Variants in SMIM14 observed in about 807,000 individuals in gnomAD.
The protein encoded by SMIM14 is small integral membrane protein 14.
In SMIM14, 5 loss-of-function variants were observed where a neutral mutation model predicts 12.6. That is an observed-to-expected ratio of 0.40 (90% confidence interval 0.21 to 0.83). SMIM14 has a LOEUF of 0.83. SMIM14 is among the 40% of genes least tolerant of loss of function. The pLI is 0.37. For synonymous variants in SMIM14, 30 were observed against 40.1 expected, an observed-to-expected ratio of 0.75 and a Z score of 0.95; for missense variants, 86 against 119.1, an observed-to-expected ratio of 0.72 and a Z score of 1.29.
chr4:39,618,336 CCACT>C (rs1715298716), intron 1 of SMIM14, among the ~76,000 whole-genome samples: 1 of 152,158 alleles, frequency 6.6e-6, no homozygotes, highest in African/African-American at 2.4e-5. Flanking sequence ...GATGTGATCA[CCACT>C]CTCAAGATAA....
In SMIM14 at chr4:39,619,876, A is replaced by AT. The variant is rs368919092; in HGVS notation, c.-35-14697dup. The stretch of plus-strand genomic sequence containing the variant: ...TATATATATTTATATATATATATAT[A>AT]TTTTTTTTTTTTTAAGAGCAAGATA... On this transcript the variant is annotated intron_variant, in intron 1 of 4. Transcript: ENST00000295958. Among the ~76,000 whole-genome samples, 924 of 115,840 alleles carry AT rather than the reference A, an allele frequency of 8.0e-3. 17 individuals are homozygous for AT. The highest frequency in any genetic ancestry group is 0.026 in the African/African-American group (754 of 29,106). The allele number at this position is 115,840 out of a possible 152,430, so 76.0% of individuals were successfully genotyped here. A position where few individuals can be genotyped will look rare whatever the true frequency, so the allele number is the denominator to read the frequency against.
At chr4:39,567,379 GGACTGCTTGAGCTCAGGAGTTCGAGACCA>G (rs1712632826) in intron 3 of SMIM14, among the ~76,000 whole-genome samples, 1 of 152,034 alleles carries the variant, frequency 6.6e-6, no homozygotes, top group Non-Finnish European at 1.5e-5. Context: ...CAAGGCAGGT[GGACTGCTTGAGCTCAGGAGTTCGAGACCA>G]GCCTGGGCAA....
chr4:39,553,340 G>T (rs1045184985), intron 4 of SMIM14, among the ~76,000 whole-genome samples: 6 of 152,058 alleles, frequency 3.9e-5, no homozygotes, highest in Non-Finnish European at 7.3e-5. Flanking sequence ...TGGGATTACA[G>T]GTGTAAGCCA....
intron 2 of SMIM14, chr4:39,592,754 A>G (rs879684630): frequency 6.6e-6 from 1 of 152,218 alleles, no homozygotes; most frequent in Non-Finnish European, 1.5e-5. Context: ...ACAAACTATC[A>G]TCAGAGAATA....
In SMIM14 at chr4:39,636,097, C is replaced by T. The variant is rs184377128; in HGVS notation, c.-36+2642G>A. On this transcript the variant is annotated intron_variant, in intron 1 of 4. Transcript: ENST00000295958. ...CTAAGGCTGGAGAATCACTTGAACCCGGGAGGCAGAGGTTGCAGTGAGCTG... is the reference window on the plus strand; with the variant it reads ...CTAAGGCTGGAGAATCACTTGAACCTGGGAGGCAGAGGTTGCAGTGAGCTG... 7.8e-3 allele frequency among the ~76,000 whole-genome samples: 1,138 copies of T among 146,650 alleles called. 23 individuals are homozygous for T. Among genetic ancestry groups the T allele is most frequent in the African/African-American group, 0.028 (1,099 of 39,616 alleles).
chr4:39,583,984 G>A (rs1713649113), intron 2 of SMIM14: 1 of 152,042 alleles, frequency 6.6e-6, no homozygotes, highest in Admixed American at 6.6e-5. Flanking sequence ...TATGCACACT[G>A]TAAGTTTTGA....
intron 3 of SMIM14, among the ~76,000 whole-genome samples, chr4:39,567,950 T>C (rs1712664103): frequency 6.6e-6 from 1 of 151,918 alleles, no homozygotes; most frequent in Non-Finnish European, 1.5e-5. Context: ...CCATATTCAG[T>C]GCCAAATGTT....
chr4:39,618,415 G>C (rs55660547), intron 1 of SMIM14, among the ~76,000 whole-genome samples: 1 of 151,916 alleles, frequency 6.6e-6, no homozygotes, highest in Non-Finnish European at 1.5e-5. Flanking sequence ...TTGGGAGGCC[G>C]AGGTGGGTGG....
chr4:39,598,099 G>A (rs1160201016), intron 2 of SMIM14, among the ~76,000 whole-genome samples: 1 of 152,058 alleles, frequency 6.6e-6, no homozygotes, highest in Non-Finnish European at 1.5e-5. Flanking sequence ...CCCACAAAAA[G>A]TTTTCTACTT....
intron 2 of SMIM14, among the ~76,000 whole-genome samples, chr4:39,596,365 G>A (rs1333576234): frequency 6.6e-6 from 1 of 152,170 alleles, no homozygotes; most frequent in Non-Finnish European, 1.5e-5. Flanking sequence ...AAAGTGCTGG[G>A]ATTACAGGCG....
At chr4:39,635,401 G>A (rs1716052031) in intron 1 of SMIM14, among the ~76,000 whole-genome samples, 1 of 152,118 alleles carries the variant, frequency 6.6e-6, no homozygotes, top group South Asian at 2.1e-4. Context: ...TTCAACAAGG[G>A]GGTGTCAAGG....
chr4:39,625,355 A>C (rs906197168), intron 1 of SMIM14, among the ~76,000 whole-genome samples: 1 of 152,240 alleles, frequency 6.6e-6, no homozygotes, highest in Non-Finnish European at 1.5e-5. Flanking sequence ...AAATGTTGAA[A>C]TAAACCCCAT....
chr4:39,633,398 A>G (rs1401462751), intron 1 of SMIM14, among the ~76,000 whole-genome samples: 1 of 152,208 alleles, frequency 6.6e-6, no homozygotes, highest in Non-Finnish European at 1.5e-5. Flanking sequence ...ATGGTTCACC[A>G]TAATATTATT....
chr4:39,597,438 A>ATTTTT (rs869157163), intron 2 of SMIM14, among the ~76,000 whole-genome samples: 4 of 116,546 alleles, frequency 3.4e-5, no homozygotes, highest in Non-Finnish European at 5.4e-5. Context: ...CACTGGTGGT[A>ATTTTT]TTTTTTTTTT....
In SMIM14 at chr4:39,631,668, A is replaced by AAG. The variant is rs1468482362; in HGVS notation, c.-36+7070_-36+7071insCT. On this transcript the variant is annotated intron_variant, in intron 1 of 4. Coordinates refer to ENST00000295958, the MANE Select transcript of SMIM14 (RefSeq NM_174921.3). Reference sequence around the variant, plus strand: ...AGCGAGACTCCGTCTCAAAAAAAAAAAAAAATAAATATGTTAAAAGATAAA... The same window carrying AAG: ...AGCGAGACTCCGTCTCAAAAAAAAAAAGAAAAATAAATATGTTAAAAGATAAA... Among the ~76,000 whole-genome samples the AAG allele has an allele frequency of 2.5e-5, 3 of 120,794 alleles. No individual in the cohort carries two copies. The East Asian group carries it at 9.4e-4, about 38-fold the overall frequency. The allele number at this position is 120,794 out of a possible 152,430, so 79.2% of individuals were successfully genotyped here. A position where few individuals can be genotyped will look rare whatever the true frequency, so the allele number is the denominator to read the frequency against.
chr4:39,598,582 A>C (rs1578345549), intron 2 of SMIM14, among the ~76,000 whole-genome samples: 1 of 115,874 alleles, frequency 8.6e-6, no homozygotes, highest in Non-Finnish European at 1.9e-5. Context: ...TTGTATCATA[A>C]AGTTGTTTAG....
intron 3 of SMIM14, among the ~76,000 whole-genome samples, chr4:39,565,404 C>A (rs1339156442): frequency 6.6e-6 from 1 of 152,108 alleles, no homozygotes; most frequent in Non-Finnish European, 1.5e-5. Context: ...ACAGTCACTG[C>A]AGCCTCAACC....
intron 2 of SMIM14, among the ~76,000 whole-genome samples, chr4:39,599,697 G>A (rs1049686679): frequency 1.3e-5 from 2 of 152,100 alleles, no homozygotes; most frequent in Non-Finnish European, 2.9e-5. Flanking sequence ...GCTGAGGCGG[G>A]TGGATCACGA....
chr4:39,638,411 C>T (rs1361815405), intron 1 of SMIM14: 1 of 944,794 alleles, frequency 1.1e-6, no homozygotes, highest in Non-Finnish European at 1.3e-6. Context: ...TCTCTTTTTA[C>T]TCCATGATAC....
Sources: allele counts gnomAD v4.1 joint callset (sites outside exome capture counted in the v4.1 genomes callset), GRCh38; gene constraint gnomAD v4.1.1; transcripts MANE v1.5; gene names NCBI Gene and HGNC (gene_info 2026-07-23, HGNC 2026-07-21).